The following SEC14L1 variants were observed in gnomAD, a reference collection of about 807,000 sequenced individuals.
The protein encoded by SEC14L1 is SEC14-like protein 1.
SEC14L1 carries 48 observed loss-of-function variants against 85.3 expected under a neutral mutation model. The ratio of observed to expected loss-of-function variants is 0.56; its 90% CI spans 0.45 to 0.72. The LOEUF (loss-of-function observed/expected upper bound fraction) is 0.72, where lower values mean the gene tolerates loss of function less well. SEC14L1 is among the 30% of genes least tolerant of loss of function. SEC14L1 has a pLI of 0.00. For synonymous variants in SEC14L1, 391 were observed against 355.5 expected, an observed-to-expected ratio of 1.10 and a Z score of -1.12; for missense variants, 682 against 921.4, an observed-to-expected ratio of 0.74 and a Z score of 3.36.
rs753758732 is a variant in SEC14L1 at position 77,194,740 on chromosome 17, C to T, written c.538C>T (p.Arg180Cys). 14 of 1,614,068 alleles carry T rather than the reference C, an allele frequency of 8.7e-6. No individual in the cohort carries two copies. Among genetic ancestry groups the T allele is most frequent in the Admixed American group, 6.7e-5 (4 of 60,012 alleles). The change falls in exon 7 of 17, where the codon CGT becomes TGT. Residue 180 changes from arginine (R) to cysteine (C), a missense_variant. Physicochemically the swap from Arg to Cys is radical, Grantham distance 180. Coordinates refer to ENST00000436233, the MANE Select transcript of SEC14L1 (RefSeq NM_001143998.2). ...AGAAGAAGGCATAACCTTTGTGCCC[C>T]GTTGGAGTCCGCCTTCCATCACGAC... is the stretch of plus-strand genomic sequence containing the variant. Reference protein sequence around the residue: ...LEEEGITFVPRWSPPSITTSS... With the variant: ...LEEEGITFVPCWSPPSITTSS...
intron 3 of SEC14L1, among the ~76,000 whole-genome samples, chr17:77,096,055 C>CT (rs58863646): frequency 0.041 from 5,069 of 124,212 alleles, 151 homozygotes; most frequent in African/African-American, 0.077. Context: ...TGCAGTCAGT[C>CT]TTTTTTTTTT....
intron 7 of SEC14L1, chr17:77,195,119 A>G (rs1975740133): frequency 8.8e-6 from 5 of 569,772 alleles, no homozygotes; most frequent in East Asian, 8.6e-5. Context: ...AATAGGAAGG[A>G]TTATATCAAG....
chr17:77,129,418 G>A (rs563227398), intron 3 of SEC14L1, among the ~76,000 whole-genome samples: 44 of 152,296 alleles, frequency 2.9e-4, no homozygotes, highest in African/African-American at 9.4e-4. Context: ...TCACTGCAGT[G>A]TGAAGTGAGC....
intron 3 of SEC14L1, among the ~76,000 whole-genome samples, chr17:77,158,230 T>A (rs1973895579): frequency 6.6e-6 from 1 of 152,222 alleles, no homozygotes; most frequent in African/African-American, 2.4e-5. Flanking sequence ...ACTAACTAAA[T>A]TCACATCGTT....
At chr17:77,199,775 C>A (rs535620452) in intron 8 of SEC14L1, among the ~76,000 whole-genome samples, 14 of 152,196 alleles carry the variant, frequency 9.2e-5, no homozygotes, top group Admixed American at 7.2e-4. Context: ...AAAGATTATT[C>A]AAACTGATAA....
At chr17:77,098,372 A>G (rs933852903) in intron 3 of SEC14L1, among the ~76,000 whole-genome samples, 45 of 151,850 alleles carry the variant, frequency 3.0e-4, no homozygotes, top group African/African-American at 1.0e-3. Context: ...GGTGGTGCAT[A>G]CCTGTAATCC....
At chr17:77,107,015 T>G (rs979187077) in intron 3 of SEC14L1, among the ~76,000 whole-genome samples, 1 of 151,894 alleles carries the variant, frequency 6.6e-6, no homozygotes, top group Non-Finnish European at 1.5e-5. Flanking sequence ...CCTAAAAGAG[T>G]TCACACATCC....
At position 77,213,635 on chromosome 17, in the gene SEC14L1, T is replaced by C. The variant is rs1007539650; in HGVS notation, c.2042+143T>C. On this transcript the variant is annotated intron_variant, in intron 16 of 16. Coordinates refer to ENST00000436233, the MANE Select transcript of SEC14L1 (RefSeq NM_001143998.2). The surrounding 1 kb of genome is among the most constrained non-coding windows in gnomAD (Gnocchi z 7.1). ...GGGCCAGGAGGGAGTGGCTTTGGGG[T>C]CATTTGTTGGCACGGTGACTCCCTG... 13 of 1,041,654 alleles carry C rather than the reference T, an allele frequency of 1.2e-5. No individual in the cohort carries two copies. Among genetic ancestry groups the C allele is most frequent in the Non-Finnish European group, 1.9e-5 (13 of 694,936 alleles). 64.5% of individuals were successfully genotyped at this position (1,041,654 alleles called of 1,614,324 possible). A position where few individuals can be genotyped will look rare whatever the true frequency, so the allele number is the denominator to read the frequency against.
intron 13 of SEC14L1, 145 bp from the exon 14 acceptor site, chr17:77,209,197 G>A: frequency 1.2e-6 from 1 of 847,406 alleles, no homozygotes; most frequent in Non-Finnish European, 1.8e-6. Flanking sequence ...GTAGTGCAGA[G>A]TGTTTTACGA....
In SEC14L1 at chr17:77,212,871, G is replaced by A. The variant is rs911266980; in HGVS notation, c.1864-443G>A. ...AGTCATGAATTTCGGAGAGAATGGA[G>A]AAGGAGCTTTCCACGGATTGACGGC... On this transcript the variant is annotated intron_variant, in intron 15 of 16. Coordinates refer to ENST00000436233, the MANE Select transcript of SEC14L1 (RefSeq NM_001143998.2). The A allele has an allele frequency of 1.1e-4, 19 of 178,382 alleles. 1 individual carries two copies. 11.0% of individuals were successfully genotyped at this position (178,382 alleles called of 1,614,324 possible). A position where few individuals can be genotyped will look rare whatever the true frequency, so the allele number is the denominator to read the frequency against.
intron 3 of SEC14L1, among the ~76,000 whole-genome samples, chr17:77,098,570 C>T (rs539360569): frequency 7.2e-5 from 11 of 152,218 alleles, no homozygotes; most frequent in Middle Eastern, 3.4e-3. Context: ...ATGGGGACAC[C>T]GTCTTTTTGG....
chr17:77,205,419 A>C, intron 11 of SEC14L1, 73 bp downstream of exon 11: 2 of 1,324,460 alleles, frequency 1.5e-6, no homozygotes, highest in Non-Finnish European at 2.2e-6. Context: ...TGATTTTTGG[A>C]ATTAAAATCT....
At chr17:77,113,716 A>ACT (rs1972101986) in intron 3 of SEC14L1, among the ~76,000 whole-genome samples, 1 of 152,182 alleles carries the variant, frequency 6.6e-6, no homozygotes, top group Non-Finnish European at 1.5e-5. Flanking sequence ...ACTGCACTCC[A>ACT]GCCTGGGTGA....
At position 77,200,188 on chromosome 17, in the gene SEC14L1, T is replaced by C. The variant is rs1293934567; in HGVS notation, c.820-296T>C. Among the ~76,000 whole-genome samples, 3 of 152,146 alleles carry C rather than the reference T, an allele frequency of 2.0e-5. No homozygotes were observed. In the East Asian group the frequency reaches 5.8e-4, roughly 29 times the overall value. On this transcript the variant is annotated intron_variant, in intron 8 of 16. Coordinates refer to ENST00000436233, the MANE Select transcript of SEC14L1 (RefSeq NM_001143998.2). The stretch of plus-strand genomic sequence containing the variant: ...GTCTCCAAAAGAAAAGTGGGAATTT[T>C]AGGGTCTTATTCCCTTAGCAACTTT...
chr17:77,143,586 G>C lies in SEC14L1; in HGVS notation c.-11G>C. ...TTGCAGGTGTGAGAGGGTTGCTGTTGTATTGCAATCATGGTGCAGAAATAC... is the reference window on the plus strand; with the variant it reads ...TTGCAGGTGTGAGAGGGTTGCTGTTCTATTGCAATCATGGTGCAGAAATAC... On this transcript the variant is annotated 5_prime_UTR_variant, in exon 3 of 17. Transcript: ENST00000436233. The C allele has an allele frequency of 6.2e-7, 1 of 1,611,788 alleles. No homozygotes were observed. Among genetic ancestry groups the C allele is most frequent in the African/African-American group, 1.3e-5 (1 of 74,998 alleles).
Position 77,213,529 on chromosome 17 carries a change from G to A in SEC14L1, c.2042+37G>A. 6.3e-7 allele frequency: 1 copy of A among 1,599,864 alleles called. No homozygotes were observed. Among genetic ancestry groups the A allele is most frequent in the Non-Finnish European group, 8.5e-7 (1 of 1,179,130 alleles). Reference sequence around the variant, plus strand: ...CTCGCCACAGCAGGTGCTGCGGACAGCTGGGCATGGTTGGAGGGAGCCTGC... The same window carrying A: ...CTCGCCACAGCAGGTGCTGCGGACAACTGGGCATGGTTGGAGGGAGCCTGC... On this transcript the variant is annotated intron_variant, in intron 16 of 16. Coordinates refer to ENST00000436233, the MANE Select transcript of SEC14L1 (RefSeq NM_001143998.2). This position sits in a 1 kb window ranked among gnomAD's most constrained non-coding sequence, Gnocchi z 7.1.
At chr17:77,104,430 C>CTTT (rs111712879) in intron 3 of SEC14L1, among the ~76,000 whole-genome samples, 28,503 of 135,590 alleles carry the variant, frequency 0.21, 3,154 homozygotes, top group South Asian at 0.27. Context: ...CTTGTGTTTA[C>CTTT]TTTTTTTTTT....
intron 3 of SEC14L1, among the ~76,000 whole-genome samples, chr17:77,130,684 A>G (rs185804819): frequency 2.0e-5 from 3 of 151,710 alleles, no homozygotes; most frequent in Admixed American, 2.0e-4. Context: ...CAGTAGCATG[A>G]TCACGGCTCA....
chr17:77,110,591 T>C (rs752649004), intron 3 of SEC14L1, among the ~76,000 whole-genome samples: 19 of 151,952 alleles, frequency 1.3e-4, no homozygotes, highest in African/African-American at 3.6e-4. Flanking sequence ...AAGAAATACA[T>C]TGGGGCTGGC....
Sources: allele counts gnomAD v4.1 joint callset (sites outside exome capture counted in the v4.1 genomes callset), GRCh38; gene constraint gnomAD v4.1.1; non-coding constraint Gnocchi (gnomAD v3.1); transcripts MANE v1.5; gene names NCBI Gene and HGNC (gene_info 2026-07-23, HGNC 2026-07-21).